Variants in MAP4 observed in about 807,000 individuals in gnomAD.
The protein encoded by MAP4 is microtubule associated protein 4, also known as microtubule-associated protein 4.
Under a neutral mutation model 170.2 loss-of-function variants are expected in MAP4, and 76 were observed. The ratio of observed to expected loss-of-function variants is 0.45; its 90% CI spans 0.37 to 0.54. The LOEUF is 0.54. Among genes scored for constraint, MAP4 ranks in the 20% least tolerant of loss-of-function variants. The pLI, the probability that MAP4 is intolerant of heterozygous loss-of-function variation, is 0.00. For missense variants in MAP4, 2,506 were observed against 2,748.0 expected (o/e 0.91, Z 1.97); for synonymous variants, 909 against 994.5 (o/e 0.91, Z 1.62).
At chr3:48,042,588 TA>T (rs901070175) in intron 1 of MAP4, among the ~76,000 whole-genome samples, 8 of 150,318 alleles carry the variant, frequency 5.3e-5, no homozygotes, top group Non-Finnish European at 1.2e-4. Flanking sequence ...ATGACTAAAA[TA>T]AAAAAAAACA....
chr3:48,082,085 T>C (rs2100146917), intron 1 of MAP4, among the ~76,000 whole-genome samples: 1 of 152,176 alleles, frequency 6.6e-6, no homozygotes, highest in South Asian at 2.1e-4. Flanking sequence ...AAAATATTCA[T>C]GGGTCCATGT....
At chr3:47,886,858 T>C (rs2097679634) in intron 10 of MAP4, among the ~76,000 whole-genome samples, 1 of 152,258 alleles carries the variant, frequency 6.6e-6, no homozygotes, top group African/African-American at 2.4e-5. Context: ...TCCTCAGCGT[T>C]TCATCTGCCA....
chr3:48,050,325 A>C (rs952160271), intron 1 of MAP4, among the ~76,000 whole-genome samples: 3 of 151,986 alleles, frequency 2.0e-5, no homozygotes, highest in Admixed American at 6.6e-5. Flanking sequence ...TTTGTGTTAC[A>C]TGTACTACAC....
intron 3 of MAP4, among the ~76,000 whole-genome samples, chr3:47,930,659 C>T (rs573369061): frequency 2.6e-5 from 4 of 151,280 alleles, no homozygotes; most frequent in South Asian, 2.1e-4. Context: ...CCAGCTGCAG[C>T]GGCTCATGCC....
At chr3:48,000,221 CAAAAA>C (rs530513032) in intron 1 of MAP4, among the ~76,000 whole-genome samples, 5 of 79,914 alleles carry the variant, frequency 6.3e-5, no homozygotes, top group Admixed American at 1.5e-4. Flanking sequence ...ACTCCCCCAT[CAAAAA>C]AAAAAAAAAA....
chr3:47,958,421 G>A (rs937340672), intron 3 of MAP4, among the ~76,000 whole-genome samples: 1 of 152,152 alleles, frequency 6.6e-6, no homozygotes, highest in African/African-American at 2.4e-5. Context: ...CAGAAATGAG[G>A]ATGAACTTTC....
At chr3:47,868,571 T>C (rs1319318812) in intron 16 of MAP4, among the ~76,000 whole-genome samples, 1 of 152,084 alleles carries the variant, frequency 6.6e-6, no homozygotes, top group Non-Finnish European at 1.5e-5. Flanking sequence ...CTAAGGAAGG[T>C]AGGTGTTGCA....
chr3:47,912,681 A>G (rs1223340094), intron 8 of MAP4, among the ~76,000 whole-genome samples: 1 of 152,204 alleles, frequency 6.6e-6, no homozygotes, highest in Non-Finnish European at 1.5e-5. Context: ...AAATATTTGA[A>G]ATTTCAGAAG....
rs145965096 is a variant in MAP4, at chr3:47,990,677, A to G, written c.223+7961T>C. 1.8e-3 allele frequency among the ~76,000 whole-genome samples: 269 copies of G among 152,332 alleles called. 1 individual carries two copies. Among genetic ancestry groups the G allele is most frequent in the Non-Finnish European group, 3.1e-3 (212 of 68,026 alleles). ...ACTGTGCTAGATGATCATCTGAAAG[A>G]ACAAGAGTCACAGATGTTTGCTTCG... On this transcript the variant is annotated intron_variant, in intron 2 of 20. Coordinates refer to ENST00000683076, the MANE Select transcript of MAP4 (RefSeq NM_001385682.1).
chr3:47,927,327 A>C (rs1449419639), intron 4 of MAP4, among the ~76,000 whole-genome samples: 1 of 152,184 alleles, frequency 6.6e-6, no homozygotes, highest in Non-Finnish European at 1.5e-5. Context: ...TCAAAAAAGA[A>C]GCCATATTTA....
chr3:47,873,503 C>T (rs1038498839), intron 12 of MAP4, among the ~76,000 whole-genome samples: 4 of 152,292 alleles, frequency 2.6e-5, no homozygotes, highest in African/African-American at 7.2e-5. Context: ...GAAAAATCAG[C>T]TAAGGAGGTA....
chr3:47,897,446 C>T lies in MAP4; in HGVS notation c.5434+5504G>A, dbSNP rs192932987. On this transcript the variant is annotated intron_variant, in intron 10 of 20. Transcript: ENST00000683076. ...CGGCCCAATGTATCTTTTTTGTGAT[C>T]ATTGAAGTACTTCAAACTTTAATTT... is the stretch of plus-strand genomic sequence containing the variant. 7.2e-5 allele frequency among the ~76,000 whole-genome samples: 11 copies of T among 152,088 alleles called. No homozygotes were observed. In the East Asian group the frequency reaches 1.2e-3, roughly 16 times the overall value.
intron 1 of MAP4, among the ~76,000 whole-genome samples, chr3:48,003,236 CAA>C (rs1273907776): frequency 6.6e-6 from 1 of 151,854 alleles, no homozygotes; most frequent in Non-Finnish European, 1.5e-5. Flanking sequence ...AGGCAGATCA[CAA>C]AGTCAGAAGA....
At chr3:47,942,939 A>G (rs2100057420) in intron 3 of MAP4, among the ~76,000 whole-genome samples, 2 of 152,082 alleles carry the variant, frequency 1.3e-5, no homozygotes, top group African/African-American at 4.8e-5. Flanking sequence ...GCAAGACCCC[A>G]ACCTCTACAA....
chr3:48,084,797 G>C lies in MAP4; in HGVS notation c.-20+3976C>G, dbSNP rs1044200187. On this transcript the variant is annotated intron_variant, in intron 1 of 18. Transcript: ENST00000360240. Reference sequence around the variant, plus strand: ...TGTACACTAAAATTATCTGGGGACCGACTAAGTTGTTTTTGTTTTTTTTTT... The same window carrying C: ...TGTACACTAAAATTATCTGGGGACCCACTAAGTTGTTTTTGTTTTTTTTTT... 5.4e-5 allele frequency among the ~76,000 whole-genome samples: 6 copies of C among 111,614 alleles called. No individual in the cohort carries two copies. The East Asian group carries it at 1.3e-3, about 24-fold the overall frequency. 73.2% of individuals were successfully genotyped at this position (111,614 alleles called of 152,430 possible). A position where few individuals can be genotyped will look rare whatever the true frequency, so the allele number is the denominator to read the frequency against.
At chr3:47,941,756 C>T (rs2100056612) in intron 3 of MAP4, among the ~76,000 whole-genome samples, 1 of 144,996 alleles carries the variant, frequency 6.9e-6, no homozygotes, top group Non-Finnish European at 1.5e-5. Flanking sequence ...CATTGCACTC[C>T]AGCCTGGGCA....
chr3:47,866,064 C>T (rs531143675), intron 17 of MAP4, among the ~76,000 whole-genome samples: 9 of 152,226 alleles, frequency 5.9e-5, no homozygotes, highest in South Asian at 2.1e-4. Flanking sequence ...AAAGTCTGGG[C>T]GCAGTGGCTC....
chr3:48,026,603 G>A (rs1004808079), intron 1 of MAP4, among the ~76,000 whole-genome samples: 1 of 152,058 alleles, frequency 6.6e-6, no homozygotes, highest in African/African-American at 2.4e-5. Flanking sequence ...AAAACCACCT[G>A]TCTGATAAAA....
chr3:47,867,371 A>C, intron 16 of MAP4, 33 bp from the exon 17 acceptor site: 6 of 1,408,486 alleles, frequency 4.3e-6, no homozygotes, highest in Non-Finnish European at 6.0e-6. Flanking sequence ...AAACAACACA[A>C]AGGGAGAGGA....
Sources: gnomAD v4.1 joint callset for allele counts (sites outside exome capture counted in the v4.1 genomes callset) on GRCh38, gnomAD v4.1.1 for gene constraint, MANE v1.5 for transcripts, NCBI Gene and HGNC (gene_info 2026-07-23, HGNC 2026-07-21) for gene names.